Variants in SEMA3C observed in about 807,000 individuals in gnomAD.
SEMA3C encodes the protein semaphorin 3C.
Under a neutral mutation model 89.4 loss-of-function variants are expected in SEMA3C, and 47 were observed. The observed-to-expected ratio is 0.53, with a 90% CI of 0.42 to 0.67. SEMA3C has a LOEUF of 0.67. Ranked by LOEUF, SEMA3C falls within the 30% of genes least tolerant of loss-of-function variation. The pLI, the probability that SEMA3C is intolerant of heterozygous loss-of-function variation, is 0.00. For synonymous variants in SEMA3C, 310 were observed against 320.2 expected, an observed-to-expected ratio of 0.97 and a Z score of 0.34; for missense variants, 839 against 929.1, an observed-to-expected ratio of 0.90 and a Z score of 1.26.
intron 2 of SEMA3C, among the ~76,000 whole-genome samples, chr7:80,863,674 C>T (rs868691735): frequency 2.9e-5 from 4 of 136,470 alleles, no homozygotes; most frequent in Non-Finnish European, 3.1e-5. Context: ...TATATATATA[C>T]ACACATATAT....
chr7:80,908,965 A>T (rs1792081048), intron 2 of SEMA3C, among the ~76,000 whole-genome samples: 1 of 152,200 alleles, frequency 6.6e-6, no homozygotes, highest in Non-Finnish European at 1.5e-5. Context: ...GGAATACAAC[A>T]GCTTTTTTCT....
chr7:80,762,090 A>AAT (rs1788197604), intron 13 of SEMA3C, among the ~76,000 whole-genome samples: 1 of 136,930 alleles, frequency 7.3e-6, no homozygotes, highest in African/African-American at 2.8e-5. Flanking sequence ...ACTCCGTCTC[A>AAT]ATAAAAAAAA....
chr7:80,822,291 A>T (rs138403366), intron 4 of SEMA3C, among the ~76,000 whole-genome samples: 66 of 152,178 alleles, frequency 4.3e-4, no homozygotes, highest in African/African-American at 1.5e-3. Context: ...AGGGGTAAAG[A>T]TTTGAGTAGA....
intron 2 of SEMA3C, among the ~76,000 whole-genome samples, chr7:80,876,020 T>C (rs1791193172): frequency 6.6e-6 from 1 of 152,096 alleles, no homozygotes; most frequent in African/African-American, 2.4e-5. Flanking sequence ...GATAACTACT[T>C]AGCACGGAGA....
intron 16 of SEMA3C, among the ~76,000 whole-genome samples, chr7:80,750,982 G>T (rs1787921109): frequency 6.6e-6 from 1 of 152,078 alleles, no homozygotes; most frequent in Non-Finnish European, 1.5e-5. Context: ...GTTTTCTTCA[G>T]AAAGAAAATA....
Position 80,839,782 on chromosome 7 carries a change from G to A in SEMA3C, c.104-11037C>T, listed in dbSNP as rs188406606. On this transcript the variant is annotated intron_variant, in intron 2 of 17. Transcript: ENST00000265361. The stretch of plus-strand genomic sequence containing the variant: ...TGACCTGACATGGTATATCATGTCA[G>A]CAAAACCCCAGAACACCGAGAATCT... Among the ~76,000 whole-genome samples, 612 of 151,964 alleles carry A rather than the reference G, an allele frequency of 4.0e-3. 5 individuals carry two copies. Among genetic ancestry groups the A allele is most frequent in the Admixed American group, 5.9e-3 (90 of 15,236 alleles).
chr7:80,900,259 G>A (rs1223819323), intron 2 of SEMA3C, among the ~76,000 whole-genome samples: 2 of 151,956 alleles, frequency 1.3e-5, no homozygotes, highest in African/African-American at 4.8e-5. Context: ...GACTACAGGT[G>A]CCCGCCACCA....
intron 2 of SEMA3C, among the ~76,000 whole-genome samples, chr7:80,872,989 G>C (rs1263670035): frequency 6.6e-6 from 1 of 151,210 alleles, no homozygotes; most frequent in Admixed American, 6.6e-5. Context: ...TTGACCTTGT[G>C]GACCCCCTGA....
At chr7:80,916,883 G>C in intron 1 of SEMA3C, 64 bp from the exon 2 acceptor site, 2 of 1,399,132 alleles carry the variant, frequency 1.4e-6, no homozygotes, top group South Asian at 2.6e-5. Flanking sequence ...GGAAAAAACA[G>C]CAATCTAGAC....
chr7:80,906,721 GATC>G (rs1792024988), intron 2 of SEMA3C, among the ~76,000 whole-genome samples: 1 of 151,030 alleles, frequency 6.6e-6, no homozygotes, highest in African/African-American at 2.4e-5. Flanking sequence ...TACCAGTGTA[GATC>G]ATTATAAAAT....
At chr7:80,822,833 A>G (rs1789786727) in intron 4 of SEMA3C, among the ~76,000 whole-genome samples, 1 of 152,190 alleles carries the variant, frequency 6.6e-6, no homozygotes, top group African/African-American at 2.4e-5. Context: ...TTTTATTTGC[A>G]TTTTAAAATT....
At chr7:80,754,354 T>C (rs1788006992) in intron 15 of SEMA3C, among the ~76,000 whole-genome samples, 1 of 152,198 alleles carries the variant, frequency 6.6e-6, no homozygotes, top group Non-Finnish European at 1.5e-5. Context: ...TCTCTGTTTG[T>C]ACACAAAGAA....
chr7:80,749,214 T>C (rs763814906), intron 16 of SEMA3C, among the ~76,000 whole-genome samples, 186 bp from the exon 17 acceptor site: 32 of 152,126 alleles, frequency 2.1e-4, no homozygotes, highest in Non-Finnish European at 4.3e-4. Flanking sequence ...ACCCGTTTTG[T>C]TTGTGTAAGG....
intron 2 of SEMA3C, among the ~76,000 whole-genome samples, chr7:80,885,575 C>T (rs1217055866): frequency 1.3e-5 from 2 of 152,118 alleles, no homozygotes; most frequent in East Asian, 3.9e-4. Flanking sequence ...TGAGATTGCG[C>T]CACTGCACTT....
At chr7:80,898,169 A>C (rs935399292) in intron 2 of SEMA3C, among the ~76,000 whole-genome samples, 3 of 152,006 alleles carry the variant, frequency 2.0e-5, no homozygotes, top group African/African-American at 7.2e-5. Context: ...GTTTGAGACC[A>C]GCCTGGCCAA....
intron 14 of SEMA3C, 95 bp from the exon 15 acceptor site, chr7:80,758,583 G>C (rs1357547256): frequency 1.8e-5 from 22 of 1,230,426 alleles, no homozygotes; most frequent in African/African-American, 3.0e-5. Context: ...CAAACCCTTG[G>C]ATTCATTTTG....
chr7:80,839,082 A>T (rs1028770269), intron 2 of SEMA3C, among the ~76,000 whole-genome samples: 3 of 152,188 alleles, frequency 2.0e-5, no homozygotes, highest in African/African-American at 7.2e-5. Flanking sequence ...CAGGGTAGGA[A>T]GAATACACAA....
intron 2 of SEMA3C, among the ~76,000 whole-genome samples, chr7:80,880,474 T>C (rs1318090077): frequency 1.3e-5 from 2 of 152,246 alleles, no homozygotes; most frequent in Non-Finnish European, 2.9e-5. Flanking sequence ...GCTGTGGTGA[T>C]TCTCACTATG....
intron 2 of SEMA3C, among the ~76,000 whole-genome samples, chr7:80,909,049 T>C (rs1407680813): frequency 2.0e-5 from 3 of 152,098 alleles, no homozygotes; most frequent in Non-Finnish European, 2.9e-5. Flanking sequence ...TATTCAAATA[T>C]AATGTAATTT....
Sources: allele counts gnomAD v4.1 joint callset (sites outside exome capture counted in the v4.1 genomes callset), GRCh38; gene constraint gnomAD v4.1.1; transcripts MANE v1.5; gene names NCBI Gene and HGNC (gene_info 2026-07-23, HGNC 2026-07-21).